Variants in ATP2B2 observed in about 807,000 individuals in gnomAD.
ATP2B2 encodes the protein plasma membrane calcium-transporting ATPase 2.
ATP2B2 carries 15 observed loss-of-function variants against 120.0 expected under a neutral mutation model. The observed-to-expected ratio is 0.12, with a 90% CI of 0.08 to 0.19. ATP2B2 has a LOEUF of 0.19. Ranked by LOEUF, ATP2B2 falls within the 10% of genes least tolerant of loss-of-function variation. ATP2B2 has a pLI of 1.00. For missense variants in ATP2B2, 1,045 were observed against 1,719.8 expected (o/e 0.61, Z 6.94); for synonymous variants, 694 against 700.3 (o/e 0.99, Z 0.14).
At chr3:10,461,178 A>G (rs1036875356) in intron 1 of ATP2B2, among the ~76,000 whole-genome samples, 7 of 152,232 alleles carry the variant, frequency 4.6e-5, no homozygotes, top group Non-Finnish European at 1.0e-4. Flanking sequence ...GCGTATGTGC[A>G]TGGGTGGAAG....
At chr3:10,480,888 G>A (rs2065384171) in intron 1 of ATP2B2, among the ~76,000 whole-genome samples, 1 of 152,236 alleles carries the variant, frequency 6.6e-6, no homozygotes, top group African/African-American at 2.4e-5. Flanking sequence ...TACATGCAGA[G>A]CTAAAGTCCT....
At chr3:10,391,403 T>C (rs549031409) in intron 5 of ATP2B2, among the ~76,000 whole-genome samples, 2 of 152,356 alleles carry the variant, frequency 1.3e-5, no homozygotes, top group African/African-American at 2.4e-5. Context: ...ATTGGTTCTC[T>C]GGCTTAGGTG....
chr3:10,415,692 T>C (rs1186486824), intron 2 of ATP2B2, among the ~76,000 whole-genome samples: 1 of 152,184 alleles, frequency 6.6e-6, no homozygotes, highest in African/African-American at 2.4e-5. Context: ...GAGGCTGGTG[T>C]GAGAGATGAA....
Position 10,345,494 on chromosome 3 carries a change from C to T in ATP2B2, c.2593G>A (p.Val865Met). 6.2e-7 allele frequency: 1 copy of T among 1,614,250 alleles called. No individual in the cohort carries two copies. Among genetic ancestry groups the T allele is most frequent in the Non-Finnish European group, 8.5e-7 (1 of 1,180,040 alleles). Reference protein sequence around the residue: ...DDNFSSIVKAVMWGRNVYDSI... With the variant: ...DDNFSSIVKAMMWGRNVYDSI... ...TCATAGACGTTGCGGCCCCACATCACTGCCTTGACGATGCTGCTGAAATTG... is the reference window on the plus strand; with the variant it reads ...TCATAGACGTTGCGGCCCCACATCATTGCCTTGACGATGCTGCTGAAATTG... The change falls in exon 18 of 23, where the codon GTG (valine) becomes ATG (methionine). Residue 865 changes from valine to methionine, a missense_variant. Around this residue, in one of 11 missense-constraint regions of ATP2B2, gnomAD observed 98 missense variants for 266.7 expected, o/e 0.37. Transcript: ENST00000360273.
At chr3:10,518,549 C>T (rs2066919996) in intron 3 of ATP2B2, among the ~76,000 whole-genome samples, 1 of 152,230 alleles carries the variant, frequency 6.6e-6, no homozygotes, top group African/African-American at 2.4e-5. Flanking sequence ...CCAGCAAAAC[C>T]CCTCCTTGGC....
At chr3:10,449,250 TC>T (rs1361522844) in intron 2 of ATP2B2, 94 bp downstream of exon 2, 19 of 1,361,352 alleles carry the variant, frequency 1.4e-5, no homozygotes, top group Middle Eastern at 2.1e-4. Flanking sequence ...CTCTGACACA[TC>T]CCTGCTGTTA....
At chr3:10,568,190 C>G (rs1306526401) in intron 2 of ATP2B2, among the ~76,000 whole-genome samples, 1 of 152,192 alleles carries the variant, frequency 6.6e-6, no homozygotes, top group Admixed American at 6.5e-5. Context: ...GCTGCCACAC[C>G]AAGGACAGCT....
chr3:10,397,754 G>C (rs1000979764), intron 5 of ATP2B2, among the ~76,000 whole-genome samples: 2 of 152,066 alleles, frequency 1.3e-5, no homozygotes, highest in African/African-American at 4.8e-5. Context: ...CGCTGAATGC[G>C]GTGCCCATTC....
intron 12 of ATP2B2, among the ~76,000 whole-genome samples, chr3:10,368,289 G>C (rs967115738): frequency 6.6e-6 from 1 of 152,092 alleles, no homozygotes; most frequent in South Asian, 2.1e-4. Flanking sequence ...CAACAAGCTG[G>C]AGGTAGTGAG....
intron 2 of ATP2B2, among the ~76,000 whole-genome samples, chr3:10,446,514 C>T (rs979167098): frequency 3.9e-5 from 6 of 152,148 alleles, no homozygotes; most frequent in South Asian, 2.1e-4. Context: ...GATGAAGAAA[C>T]GGGGGCACAA....
intron 2 of ATP2B2, among the ~76,000 whole-genome samples, chr3:10,555,210 T>G (rs758606851): frequency 6.6e-6 from 1 of 152,242 alleles, no homozygotes; most frequent in African/African-American, 2.4e-5. Context: ...CTCTTAGATT[T>G]CTCTCAGCCA....
At chr3:10,582,293 T>A (rs528203790) in intron 2 of ATP2B2, among the ~76,000 whole-genome samples, 1 of 152,244 alleles carries the variant, frequency 6.6e-6, no homozygotes, top group Admixed American at 6.5e-5. Flanking sequence ...ACCTTGCAAG[T>A]TGTTGATTCA....
At chr3:10,561,480 C>T (rs1452816024) in intron 2 of ATP2B2, among the ~76,000 whole-genome samples, 3 of 152,176 alleles carry the variant, frequency 2.0e-5, no homozygotes, top group Admixed American at 2.0e-4. Context: ...TTATCATTAT[C>T]CTCATTTTAC....
rs535735462 is a variant in ATP2B2 at position 10,691,556 on chromosome 3, G to A, written c.-460+16359C>T. 3.9e-5 allele frequency among the ~76,000 whole-genome samples: 6 copies of A among 152,274 alleles called. No homozygotes were observed. In the South Asian group the frequency reaches 1.0e-3, roughly 26 times the overall value. On this transcript the variant is annotated intron_variant, in intron 1 of 21. Transcript: ENST00000646379. ...TCTGCTCCACCACCACCCAGCTCAC[G>A]TTCACCTCTTCTGTTTCTCCACGTC...
At chr3:10,554,581 C>G (rs2067739451) in intron 2 of ATP2B2, among the ~76,000 whole-genome samples, 1 of 152,216 alleles carries the variant, frequency 6.6e-6, no homozygotes, top group Non-Finnish European at 1.5e-5. Flanking sequence ...TCCCCCGCAG[C>G]CTCCAGAAGG....
intron 1 of ATP2B2, among the ~76,000 whole-genome samples, chr3:10,657,919 C>A (rs1445700573): frequency 1.1e-4 from 17 of 152,232 alleles, no homozygotes; most frequent in Non-Finnish European, 1.8e-4. Flanking sequence ...AACTGTCAGG[C>A]AGCAACATAT....
chr3:10,642,025 C>G (rs1300265924), intron 1 of ATP2B2, among the ~76,000 whole-genome samples: 2 of 151,178 alleles, frequency 1.3e-5, no homozygotes, highest in East Asian at 1.9e-4. Context: ...CCCATTCATC[C>G]ATCATTCACC....
Position 10,328,982 on chromosome 3 carries a change from G to A in ATP2B2, c.3564C>T (p.Thr1188=), listed in dbSNP as rs762024562. 1.2e-5 allele frequency: 19 copies of A among 1,613,924 alleles called. No individual in the cohort carries two copies. Among genetic ancestry groups the A allele is most frequent in the South Asian group, 5.5e-5 (5 of 91,050 alleles). Residue 1188 remains threonine, a synonymous_variant, in exon 23 of 23, where the codon ACC becomes ACT. Transcript: ENST00000360273. ...TGAGCGCGGCATCTTCTTCCAGGTCGGTGTCATCAATGAGGGGGATGTGGG... is the reference window on the plus strand; with the variant it reads ...TGAGCGCGGCATCTTCTTCCAGGTCAGTGTCATCAATGAGGGGGATGTGGG... ...SQPHIPLIDD[T]DLEEDAALKQ...
At chr3:10,530,473 C>T (rs1050236364) in intron 3 of ATP2B2, among the ~76,000 whole-genome samples, 3 of 152,222 alleles carry the variant, frequency 2.0e-5, no homozygotes, top group African/African-American at 4.8e-5. Context: ...AGGCCTAGTG[C>T]GACAGCTCCC....
Sources: gnomAD v4.1 joint callset for allele counts (sites outside exome capture counted in the v4.1 genomes callset) on GRCh38, gnomAD v4.1.1 for gene constraint, gnomAD v4.1.1 regional missense constraint, MANE v1.5 for transcripts, NCBI Gene and HGNC (gene_info 2026-07-23, HGNC 2026-07-21) for gene names.